DNAJC15: variants seen among roughly 807,000 people sequenced by gnomAD.
DNAJC15 encodes dnaJ homolog subfamily C member 15.
DNAJC15 carries 27 observed loss-of-function variants against 22.4 expected under a neutral mutation model. The ratio of observed to expected loss-of-function variants is 1.20; its 90% confidence interval spans 0.89 to 1.66. The LOEUF (loss-of-function observed/expected upper bound fraction) is 1.66, where lower values mean the gene tolerates loss of function less well. DNAJC15 is among the 40% of genes most tolerant of loss of function. The pLI, the probability that DNAJC15 is intolerant of heterozygous loss-of-function variation, is 0.00. For missense variants in DNAJC15, 208 were observed against 187.1 expected (o/e 1.11, Z -0.65); for synonymous variants, 79 against 63.2 (o/e 1.25, Z -1.19).
In DNAJC15 at chr13:43,078,623, C is replaced by T. The variant is rs1290067597; in HGVS notation, c.246C>T (p.Ser82=). The T allele has an allele frequency of 1.2e-6, 2 of 1,612,926 alleles. No homozygotes were observed. The highest frequency in any genetic ancestry group is 1.7e-6 in the Non-Finnish European group (2 of 1,179,316). Residue 82 remains serine (S), a synonymous_variant, in exon 4 of 6, where the codon TCC becomes TCT. Coordinates refer to ENST00000379221, the MANE Select transcript of DNAJC15 (RefSeq NM_013238.3). ...AKKISTPSFS[S]YYKGGFEQKM... ...TCTTTCCTATACAGAGCTTTTCATC[C>T]TACTATAAAGGAGGATTTGAACAGA...
intron 5 of DNAJC15, among the ~76,000 whole-genome samples, chr13:43,089,401 A>T (rs9533382): frequency 0.23 from 34,718 of 152,204 alleles, 4,550 homozygotes; most frequent in Non-Finnish European, 0.31. Context: ...GATAAAGGGT[A>T]TAATGAGCCA....
chr13:43,069,861 T>A (rs979051132), intron 3 of DNAJC15, among the ~76,000 whole-genome samples: 7 of 152,184 alleles, frequency 4.6e-5, no homozygotes, highest in Non-Finnish European at 8.8e-5. Flanking sequence ...TATGTCAAAG[T>A]TGATATAATA....
chr13:43,032,106 C>G (rs2040406556), intron 1 of DNAJC15, among the ~76,000 whole-genome samples: 1 of 152,212 alleles, frequency 6.6e-6, no homozygotes, highest in Non-Finnish European at 1.5e-5. Flanking sequence ...GCTGGAGCCA[C>G]TGCTGCTGCT....
chr13:43,077,483 G>A (rs1466071653), intron 3 of DNAJC15, among the ~76,000 whole-genome samples: 1 of 152,182 alleles, frequency 6.6e-6, no homozygotes, highest in Non-Finnish European at 1.5e-5. Flanking sequence ...TTGGGGCAAG[G>A]GGTCATAGGA....
intron 1 of DNAJC15, among the ~76,000 whole-genome samples, chr13:43,039,961 A>G (rs558511026): frequency 1.3e-5 from 2 of 152,308 alleles, no homozygotes; most frequent in Non-Finnish European, 2.9e-5. Context: ...GGAGGTTGCA[A>G]TGAGCTGAGG....
intron 1 of DNAJC15, among the ~76,000 whole-genome samples, chr13:43,042,392 CCTT>C (rs1273419092): frequency 6.6e-6 from 1 of 152,128 alleles, no homozygotes; most frequent in Admixed American, 6.6e-5. Context: ...GTTTCTTCCT[CCTT>C]CTTAGTAGCT....
chr13:43,070,397 T>C (rs897120956), intron 3 of DNAJC15, among the ~76,000 whole-genome samples: 3 of 152,078 alleles, frequency 2.0e-5, no homozygotes, highest in Admixed American at 2.0e-4. Context: ...TGGGATATAG[T>C]TATGGACCAA....
At chr13:43,027,491 G>A (rs1008980879) in intron 1 of DNAJC15, among the ~76,000 whole-genome samples, 2 of 152,072 alleles carry the variant, frequency 1.3e-5, no homozygotes, top group Admixed American at 6.6e-5. Context: ...ATCCTGATAC[G>A]TGAAAACTAA....
chr13:43,032,040 G>T (rs1262620354), intron 1 of DNAJC15, among the ~76,000 whole-genome samples: 2 of 152,226 alleles, frequency 1.3e-5, no homozygotes, highest in Non-Finnish European at 2.9e-5. Flanking sequence ...GGAGGAGTTG[G>T]TGTTTTTCAA....
chr13:43,105,567 CTCT>C, intron 5 of DNAJC15, among the ~76,000 whole-genome samples: 1 of 152,002 alleles, frequency 6.6e-6, no homozygotes, highest in South Asian at 2.1e-4. Flanking sequence ...CATTTTTTTC[CTCT>C]AACATTGCTA....
At chr13:43,040,804 A>G (rs2040450368) in intron 1 of DNAJC15, among the ~76,000 whole-genome samples, 1 of 152,210 alleles carries the variant, frequency 6.6e-6, no homozygotes, top group African/African-American at 2.4e-5. Context: ...GCACGTGAAC[A>G]AAGGTCTCTG....
At chr13:43,085,658 A>G (rs2040684355) in intron 4 of DNAJC15, 110 bp from the exon 5 acceptor site, 1 of 755,128 alleles carries the variant, frequency 1.3e-6, no homozygotes, top group Non-Finnish European at 2.1e-6. Context: ...ATTTGTCCAC[A>G]AGATGGTGAA....
chr13:43,085,443 C>G (rs547895797), intron 4 of DNAJC15, among the ~76,000 whole-genome samples: 24 of 152,068 alleles, frequency 1.6e-4, no homozygotes, highest in Non-Finnish European at 3.5e-4. Flanking sequence ...ACCGCCTTCC[C>G]CCCAAATAAC....
At chr13:43,097,861 C>T (rs1052864022) in intron 5 of DNAJC15, among the ~76,000 whole-genome samples, 12 of 152,060 alleles carry the variant, frequency 7.9e-5, no homozygotes, top group South Asian at 6.2e-4. Flanking sequence ...CACTTGAACC[C>T]GGGAGGCAGA....
intron 1 of DNAJC15, among the ~76,000 whole-genome samples, chr13:43,060,086 C>G (rs552508520): frequency 6.6e-6 from 1 of 152,312 alleles, no homozygotes; most frequent in East Asian, 1.9e-4. Flanking sequence ...TTAGCTTGGG[C>G]TCAGGGACCT....
intron 4 of DNAJC15, among the ~76,000 whole-genome samples, chr13:43,079,612 A>G (rs759777087): frequency 1.3e-5 from 2 of 152,090 alleles, no homozygotes; most frequent in East Asian, 1.9e-4. Context: ...ACTGCCAACT[A>G]TTTCTTGCTT....
intron 1 of DNAJC15, among the ~76,000 whole-genome samples, chr13:43,025,388 G>C (rs1427724530): frequency 2.0e-5 from 3 of 152,156 alleles, no homozygotes; most frequent in African/African-American, 7.2e-5. Flanking sequence ...GAAGAGGAGA[G>C]AGTTTACAGA....
chr13:43,057,531 G>A (rs999801975), intron 1 of DNAJC15, among the ~76,000 whole-genome samples: 4 of 151,878 alleles, frequency 2.6e-5, no homozygotes, highest in African/African-American at 9.7e-5. Context: ...TCTTTAAGTT[G>A]GTTTTCACTT....
chr13:43,064,042 A>G (rs970713637), intron 1 of DNAJC15, among the ~76,000 whole-genome samples: 1 of 152,174 alleles, frequency 6.6e-6, no homozygotes, highest in African/African-American at 2.4e-5. Flanking sequence ...CCCCAAAGAT[A>G]GTTTGCCTCT....
Sources: allele counts gnomAD v4.1 joint callset (sites outside exome capture counted in the v4.1 genomes callset), GRCh38; gene constraint gnomAD v4.1.1; transcripts MANE v1.5; gene names NCBI Gene and HGNC (gene_info 2026-07-23, HGNC 2026-07-21).